LRBA: variants seen among roughly 807,000 people sequenced by gnomAD.
The protein encoded by LRBA is LPS responsive beige-like anchor protein.
Under a neutral mutation model 330.0 loss-of-function variants are expected in LRBA, and 176 were observed. The ratio of observed to expected loss-of-function variants is 0.53; its 90% CI spans 0.47 to 0.60. The LOEUF (loss-of-function observed/expected upper bound fraction) is 0.60. LRBA is among the 20% of genes least tolerant of loss of function. The pLI is 0.00. For synonymous variants in LRBA, 1,230 were observed against 1,193.0 expected (o/e 1.03, Z -0.64); for missense variants, 3,259 against 3,444.8 (o/e 0.95, Z 1.35).
At chr4:150,656,542 T>A (rs1780204519) in intron 37 of LRBA, among the ~76,000 whole-genome samples, 1 of 152,218 alleles carries the variant, frequency 6.6e-6, no homozygotes, top group South Asian at 2.1e-4. Flanking sequence ...AGCTACCTTT[T>A]ATCAGACTGT....
At position 150,908,455 on chromosome 4, in the gene LRBA, C is replaced by T. The variant is rs765483951; in HGVS notation, c.1372G>A (p.Val458Ile). ...HALMLQDVKA[V>I]LTHSIQSAMH... ...GCACTTTGGATGGAATGTGTTAAAA[C>T]TGCCTTTACATCCTTGTAAGATCAA... The change falls in exon 11 of 57, where the codon GTT becomes ATT. Residue 458 changes from valine (V) to isoleucine (I), a missense_variant. By Grantham distance (29) the Val-to-Ile change is conservative (BLOSUM62 3). Coordinates refer to ENST00000651943, the MANE Select transcript of LRBA (RefSeq NM_001364905.1). 1.7e-5 allele frequency: 27 copies of T among 1,598,658 alleles called. No individual in the cohort carries two copies. The Admixed American group carries it at 4.7e-4, about 28-fold the overall frequency.
intron 34 of LRBA, among the ~76,000 whole-genome samples, chr4:150,782,923 A>G (rs62346342): frequency 4.3e-5 from 1 of 23,110 alleles, no homozygotes; most frequent in African/African-American, 5.0e-5. Context: ...CAAGAACTGG[A>G]AAAAAAAATT....
intron 51 of LRBA, among the ~76,000 whole-genome samples, chr4:150,313,923 T>G (rs79833214): frequency 0.016 from 2,378 of 151,614 alleles, 48 homozygotes; most frequent in African/African-American, 0.05. Context: ...AAGTTTGGAC[T>G]GTGTTTGAAT....
intron 34 of LRBA, among the ~76,000 whole-genome samples, chr4:150,782,705 G>A (rs1738442059): frequency 6.6e-6 from 1 of 152,122 alleles, no homozygotes; most frequent in African/African-American, 2.4e-5. Context: ...GATCTGGAAA[G>A]ACATTTTTCC....
chr4:150,841,172 T>C (rs1330038249), intron 28 of LRBA: 1 of 218,024 alleles, frequency 4.6e-6, no homozygotes, highest in Non-Finnish European at 9.6e-6. Context: ...GCTAATGATA[T>C]TAATATTCAA....
intron 36 of LRBA, among the ~76,000 whole-genome samples, chr4:150,685,372 A>C (rs568337987): frequency 1.4e-4 from 17 of 120,430 alleles, no homozygotes; most frequent in African/African-American, 5.0e-4. Flanking sequence ...GTATATGTAC[A>C]TGCATAAGGA....
chr4:150,978,319 C>T (rs759878304), intron 2 of LRBA, among the ~76,000 whole-genome samples: 3 of 152,256 alleles, frequency 2.0e-5, no homozygotes, highest in Admixed American at 1.3e-4. Flanking sequence ...TATGAGTCTA[C>T]AAGAACCAAA....
At chr4:150,761,308 C>T (rs1327547745) in intron 35 of LRBA, among the ~76,000 whole-genome samples, 1 of 152,060 alleles carries the variant, frequency 6.6e-6, no homozygotes, top group Non-Finnish European at 1.5e-5. Flanking sequence ...TTGAATTCTT[C>T]TGTTTCTGTT....
Position 150,840,986 on chromosome 4 carries a change from A to G in LRBA, c.4569+3114T>C, listed in dbSNP as rs531764614. The G allele has an allele frequency of 3.6e-4, 451 of 1,253,838 alleles. 8 individuals carry two copies. The South Asian group carries it at 3.9e-3, about 11-fold the overall frequency. 77.7% of individuals were successfully genotyped at this position (1,253,838 alleles called of 1,614,324 possible). ...TATCCACTTGATGCAATTCTTTGAC[A>G]TATTTGTGATCCGTGATCTGACAAA... On this transcript the variant is annotated intron_variant, in intron 28 of 56. Transcript: ENST00000651943.
intron 17 of LRBA, among the ~76,000 whole-genome samples, chr4:150,876,453 TA>T (rs1455183983): frequency 6.6e-6 from 1 of 151,782 alleles, no homozygotes; most frequent in Non-Finnish European, 1.5e-5. Flanking sequence ...ATCTTAAAGG[TA>T]GCCAGAGAAA....
chr4:150,795,098 T>G (rs1740587500), intron 34 of LRBA, among the ~76,000 whole-genome samples: 1 of 152,088 alleles, frequency 6.6e-6, no homozygotes. Flanking sequence ...AGGGAGGTAG[T>G]GTTATTGGAA....
intron 40 of LRBA, among the ~76,000 whole-genome samples, chr4:150,525,674 T>C (rs1244434205): frequency 1.3e-5 from 2 of 152,160 alleles, no homozygotes; most frequent in Non-Finnish European, 2.9e-5. Flanking sequence ...AGGATAGAAA[T>C]ATTTCACAAT....
intron 36 of LRBA, among the ~76,000 whole-genome samples, chr4:150,726,186 T>A (rs1167728897): frequency 1.3e-5 from 2 of 152,140 alleles, no homozygotes; most frequent in African/African-American, 4.8e-5. Flanking sequence ...AACTCTCCAA[T>A]CAAAAGAAAT....
chr4:150,682,192 A>AT, intron 37 of LRBA, among the ~76,000 whole-genome samples: 1 of 152,220 alleles, frequency 6.6e-6, no homozygotes, highest in Non-Finnish European at 1.5e-5. Context: ...ATCCTAATTC[A>AT]TTCAGTATCT....
intron 37 of LRBA, among the ~76,000 whole-genome samples, chr4:150,644,947 C>CA (rs1227844405): frequency 1.3e-5 from 2 of 151,582 alleles, no homozygotes; most frequent in Admixed American, 1.3e-4. Flanking sequence ...AGGTACCCTG[C>CA]AAAAAATATT....
intron 20 of LRBA, 34 bp downstream of exon 20, chr4:150,870,491 A>C (rs1487639182): frequency 9.1e-7 from 1 of 1,103,828 alleles, no homozygotes; most frequent in South Asian, 1.3e-5. Flanking sequence ...AAGTAGCAAA[A>C]GGTAGTTTTT....
At chr4:150,500,330 T>C (rs1760104034) in intron 40 of LRBA, among the ~76,000 whole-genome samples, 1 of 151,628 alleles carries the variant, frequency 6.6e-6, no homozygotes, top group Non-Finnish European at 1.5e-5. Flanking sequence ...ATCCCAGCAC[T>C]TTGGGAGGCT....
At chr4:150,611,687 G>A (rs145964307) in intron 37 of LRBA, among the ~76,000 whole-genome samples, 110 of 152,196 alleles carry the variant, frequency 7.2e-4, no homozygotes, top group African/African-American at 2.5e-3. Context: ...AGGCTCTATC[G>A]CTTTTCAATG....
intron 40 of LRBA, among the ~76,000 whole-genome samples, chr4:150,495,205 T>G (rs913514482): frequency 6.6e-6 from 1 of 152,184 alleles, no homozygotes; most frequent in African/African-American, 2.4e-5. Context: ...TCCTTGTTTT[T>G]AGGATTATCA....
Sources: gnomAD v4.1 joint callset for allele counts (sites outside exome capture counted in the v4.1 genomes callset) on GRCh38, gnomAD v4.1.1 for gene constraint, MANE v1.5 for transcripts, NCBI Gene and HGNC (gene_info 2026-07-23, HGNC 2026-07-21) for gene names.